FMNL2: variants seen among roughly 807,000 people sequenced by gnomAD.
The protein encoded by FMNL2 is formin-like protein 2.
Under a neutral mutation model 130.2 loss-of-function variants are expected in FMNL2, and 51 were observed. The ratio of observed to expected loss-of-function variants is 0.39; its 90% confidence interval spans 0.31 to 0.49. The LOEUF (loss-of-function observed/expected upper bound fraction) is 0.49, where lower values mean the gene tolerates loss of function less well. Among genes scored for constraint, FMNL2 ranks in the 20% least tolerant of loss-of-function variants. The probability of loss-of-function intolerance (pLI) is 0.85; values close to 1 mark genes in which losing one functional copy is unlikely to be tolerated. For missense variants in FMNL2, 977 were observed against 1,316.2 expected, an observed-to-expected ratio of 0.74 and a Z score of 3.99; for synonymous variants, 465 against 467.1, an observed-to-expected ratio of 1.00 and a Z score of 0.06.
intron 10 of FMNL2, among the ~76,000 whole-genome samples, chr2:152,608,372 GA>G (rs869229242): frequency 0.013 from 305 of 24,076 alleles, 3 homozygotes; most frequent in African/African-American, 0.032. Context: ...AAAAAAAAAA[GA>G]AAAAAAAAAA....
chr2:152,348,825 T>G (rs1331981317), intron 1 of FMNL2, among the ~76,000 whole-genome samples: 1 of 103,644 alleles, frequency 9.6e-6, no homozygotes, highest in African/African-American at 4.5e-5. Context: ...AGGGTTTTTT[T>G]TTTTTTTTTT....
intron 1 of FMNL2, among the ~76,000 whole-genome samples, chr2:152,500,675 C>T (rs749544912): frequency 1.3e-5 from 2 of 152,170 alleles, no homozygotes; most frequent in Admixed American, 6.5e-5. Context: ...TGGCGAAACC[C>T]TGTTTCTACT....
At chr2:152,599,826 C>A (rs1335225460) in intron 9 of FMNL2, among the ~76,000 whole-genome samples, 1 of 152,144 alleles carries the variant, frequency 6.6e-6, no homozygotes, top group Non-Finnish European at 1.5e-5. Context: ...TAAGGTTGTT[C>A]AGTTTCAGAG....
chr2:152,632,960 G>A (rs965112105), intron 21 of FMNL2, among the ~76,000 whole-genome samples: 4 of 152,180 alleles, frequency 2.6e-5, no homozygotes, highest in African/African-American at 9.6e-5. Flanking sequence ...TTTGGAGGGT[G>A]AGGCCTTCTC....
At chr2:152,636,374 G>C in intron 21 of FMNL2, 53 bp from the exon 22 acceptor site, 1 of 1,556,778 alleles carries the variant, frequency 6.4e-7, no homozygotes, top group Non-Finnish European at 8.7e-7. Context: ...CAGATTCGCT[G>C]TGGTTGTGAC....
chr2:152,520,528 G>A (rs56281840), intron 1 of FMNL2, among the ~76,000 whole-genome samples: 15,305 of 151,430 alleles, frequency 0.1, 1,208 homozygotes, highest in Admixed American at 0.23. Context: ...CCAGGAAGCG[G>A]AGGTTGCAGT....
intron 1 of FMNL2, among the ~76,000 whole-genome samples, chr2:152,340,672 A>C (rs1033715175): frequency 5.9e-5 from 9 of 152,196 alleles, no homozygotes; most frequent in African/African-American, 2.2e-4. Flanking sequence ...AAGGAAAGGA[A>C]GGTCAAGTTG....
In FMNL2 at chr2:152,601,671, C is replaced by CTTT. The variant is rs34914295; in HGVS notation, c.877-5654_877-5652dup. Among the ~76,000 whole-genome samples, 17 of 103,490 alleles carry CTTT rather than the reference C, an allele frequency of 1.6e-4. 2 individuals are homozygous for CTTT. The highest frequency in any genetic ancestry group is 3.1e-4 in the African/African-American group (9 of 29,154). 67.9% of individuals were successfully genotyped at this position (103,490 alleles called of 152,430 possible). A position where few individuals can be genotyped will look rare whatever the true frequency, so the allele number is the denominator to read the frequency against. ...GGCTCTCTTTTCTTTTCTTTTCTTT[C>CTTT]TTTTTTTTTTTTTTTTGAGACAGAG... On this transcript the variant is annotated intron_variant, in intron 9 of 25. Transcript: ENST00000288670.
At chr2:152,378,025 T>C (rs1684266179) in intron 1 of FMNL2, among the ~76,000 whole-genome samples, 1 of 151,620 alleles carries the variant, frequency 6.6e-6, no homozygotes, top group Non-Finnish European at 1.5e-5. Flanking sequence ...GGTGGTAGGA[T>C]TGCTTGAACC....
At chr2:152,622,644 T>G in intron 15 of FMNL2, 1 of 456,134 alleles carries the variant, frequency 2.2e-6, no homozygotes, top group Non-Finnish European at 4.4e-6. Context: ...CACTCCATTT[T>G]GCTTTGATCC....
intron 6 of FMNL2, among the ~76,000 whole-genome samples, chr2:152,566,291 C>A (rs77415697): frequency 6.6e-6 from 1 of 152,112 alleles, no homozygotes; most frequent in Non-Finnish European, 1.5e-5. Context: ...ATACAGATAG[C>A]GTTGATGTAA....
chr2:152,448,381 C>G (rs566441256), intron 1 of FMNL2, among the ~76,000 whole-genome samples: 1 of 152,224 alleles, frequency 6.6e-6, no homozygotes. Flanking sequence ...GTACCTTTGA[C>G]TCTTGTTGGA....
At chr2:152,604,306 GT>G (rs1176922232) in intron 9 of FMNL2, among the ~76,000 whole-genome samples, 1 of 151,108 alleles carries the variant, frequency 6.6e-6, no homozygotes, top group Non-Finnish European at 1.5e-5. Context: ...GGTTAGAGAA[GT>G]CTAATCTCTG....
chr2:152,360,586 T>A (rs1040497383), intron 1 of FMNL2, among the ~76,000 whole-genome samples: 1 of 152,182 alleles, frequency 6.6e-6, no homozygotes, highest in Non-Finnish European at 1.5e-5. Flanking sequence ...TCTGAAGGAA[T>A]TAAGATTATT....
Position 152,358,902 on chromosome 2 carries a change from T to A in FMNL2, c.117+23182T>A, listed in dbSNP as rs556862418. Among the ~76,000 whole-genome samples the A allele has an allele frequency of 2.6e-5, 4 of 152,338 alleles. No homozygotes were observed. The East Asian group carries it at 7.7e-4, about 29-fold the overall frequency. ...TACAATTGTTGGGTCTTGGGCATATTCAACTTAAGTGATTAGTGTTGAAGT... is the reference window on the plus strand; with the variant it reads ...TACAATTGTTGGGTCTTGGGCATATACAACTTAAGTGATTAGTGTTGAAGT... On this transcript the variant is annotated intron_variant, in intron 1 of 25. Coordinates refer to ENST00000288670, the MANE Select transcript of FMNL2 (RefSeq NM_052905.4).
At chr2:152,390,006 G>C in intron 1 of FMNL2, 1 of 1,567,042 alleles carries the variant, frequency 6.4e-7, no homozygotes, top group South Asian at 1.1e-5. Flanking sequence ...GCTAGAGATT[G>C]ACCAGAAAAA....
At chr2:152,496,029 G>C (rs1176158936) in intron 1 of FMNL2, among the ~76,000 whole-genome samples, 1 of 152,000 alleles carries the variant, frequency 6.6e-6, no homozygotes, top group Non-Finnish European at 1.5e-5. Context: ...CTAGTACAAG[G>C]AGTACTAGTT....
chr2:152,607,006 G>GTTTTTTTTTTTTTTTTTTTTT (rs58237890), intron 9 of FMNL2, among the ~76,000 whole-genome samples: 9 of 84,866 alleles, frequency 1.1e-4, no homozygotes, highest in South Asian at 4.3e-4. Context: ...TTTTTTTTTT[G>GTTTTTTTTTTTTTTTTTTTTT]TTTTTTTTTT....
intron 9 of FMNL2, among the ~76,000 whole-genome samples, chr2:152,605,840 T>C (rs1698332178): frequency 6.6e-6 from 1 of 152,160 alleles, no homozygotes; most frequent in Non-Finnish European, 1.5e-5. Context: ...AGCGTATGGT[T>C]TAGAGATGGC....
Sources: allele counts gnomAD v4.1 joint callset (sites outside exome capture counted in the v4.1 genomes callset), GRCh38; gene constraint gnomAD v4.1.1; transcripts MANE v1.5; gene names NCBI Gene and HGNC (gene_info 2026-07-23, HGNC 2026-07-21).